ODAD2: variants seen among roughly 807,000 people sequenced by gnomAD.
ODAD2 encodes the protein outer dynein arm-docking complex subunit 2.
Under a neutral mutation model 106.8 loss-of-function variants are expected in ODAD2, and 89 were observed. The observed-to-expected ratio is 0.83, with a 90% CI of 0.70 to 0.99. ODAD2 has a LOEUF of 0.99. ODAD2 is among the 50% of genes least tolerant of loss of function. The pLI, the probability that ODAD2 is intolerant of heterozygous loss-of-function variation, is 0.00. For synonymous variants in ODAD2, 404 were observed against 436.2 expected (o/e 0.93, Z 0.92); for missense variants, 1,168 against 1,238.5 (o/e 0.94, Z 0.85).
Position 27,862,320 on chromosome 10 carries a change from C to A in ODAD2, c.2799+114G>T, listed in dbSNP as rs547706098. On this transcript the variant is annotated intron_variant, in intron 18 of 19. Transcript: ENST00000305242. ...TTGACCAAATCTCATACCTCATAAGCAATGGGTATTAAACTTGAATCCAGG... is the reference window on the plus strand; with the variant it reads ...TTGACCAAATCTCATACCTCATAAGAAATGGGTATTAAACTTGAATCCAGG... The A allele has an allele frequency of 1.8e-4, 126 of 692,444 alleles. No individual in the cohort carries two copies. The Middle Eastern group carries it at 2.2e-3, about 12-fold the overall frequency. 42.9% of individuals were successfully genotyped at this position (692,444 alleles called of 1,614,324 possible).
At chr10:27,877,942 T>G (rs1449268252) in intron 17 of ODAD2, among the ~76,000 whole-genome samples, 1 of 152,210 alleles carries the variant, frequency 6.6e-6, no homozygotes, top group Non-Finnish European at 1.5e-5. Context: ...GGTTCATGTA[T>G]AGTTAGTGAC....
chr10:27,920,861 G>GGA (rs1564504909), intron 16 of ODAD2, among the ~76,000 whole-genome samples: 1 of 141,010 alleles, frequency 7.1e-6, no homozygotes, highest in Non-Finnish European at 1.6e-5. Context: ...TGTAAAAACT[G>GGA]AAAAAAAAAA....
intron 16 of ODAD2, among the ~76,000 whole-genome samples, chr10:27,910,093 T>C (rs1194887154): frequency 6.6e-6 from 1 of 151,794 alleles, no homozygotes; most frequent in Admixed American, 6.6e-5. Context: ...ATCAGGATCG[T>C]TGTGTGAGGG....
chr10:27,857,159 TTCC>T (rs1231789768), intron 19 of ODAD2, among the ~76,000 whole-genome samples: 4 of 152,182 alleles, frequency 2.6e-5, no homozygotes, highest in Non-Finnish European at 4.4e-5. Flanking sequence ...ACTCAACTTC[TTCC>T]TCCTCCTCTT....
In ODAD2 at chr10:27,878,149, A is replaced by G. The variant is rs192705062; in HGVS notation, c.2611-15527T>C. ...TATTTTACCAAGATCATTCCCTAAG[A>G]CAAACAAAAACAGTCATTGAGAAAG... On this transcript the variant is annotated intron_variant, in intron 17 of 19. Transcript: ENST00000305242. 4.4e-4 allele frequency among the ~76,000 whole-genome samples: 67 copies of G among 152,324 alleles called. No individual in the cohort carries two copies. The East Asian group carries it at 0.013, about 28-fold the overall frequency.
intron 17 of ODAD2, among the ~76,000 whole-genome samples, chr10:27,883,304 C>G (rs1470770718): frequency 3.3e-5 from 5 of 152,046 alleles, no homozygotes; most frequent in African/African-American, 1.2e-4. Context: ...GTAGAAACCT[C>G]TGGAGTCATG....
chr10:27,908,308 T>C (rs1356853746), intron 16 of ODAD2, among the ~76,000 whole-genome samples: 1 of 152,230 alleles, frequency 6.6e-6, no homozygotes, highest in African/African-American at 2.4e-5. Context: ...GTTTTCCATG[T>C]GCACCCTTCC....
At chr10:27,936,655 T>C in intron 15 of ODAD2, 71 bp downstream of exon 15, 2 of 1,518,956 alleles carry the variant, frequency 1.3e-6, no homozygotes, top group Non-Finnish European at 1.8e-6. Flanking sequence ...CTTACTAGAA[T>C]GGCATTAAAT....
intron 14 of ODAD2, 133 bp from the exon 15 acceptor site, chr10:27,937,013 T>C: frequency 6.3e-6 from 5 of 788,370 alleles, no homozygotes; most frequent in Non-Finnish European, 9.7e-6. Flanking sequence ...TGCCTCCAAG[T>C]AAAATATAAT....
intron 10 of ODAD2, among the ~76,000 whole-genome samples, chr10:27,954,282 A>T (rs1847564262): frequency 6.6e-6 from 1 of 152,322 alleles, no homozygotes; most frequent in African/African-American, 2.4e-5. Flanking sequence ...TCTCAAATGA[A>T]TTTTAGGGGA....
At chr10:27,910,933 C>A (rs1843968389) in intron 16 of ODAD2, among the ~76,000 whole-genome samples, 1 of 152,078 alleles carries the variant, frequency 6.6e-6, no homozygotes, top group Non-Finnish European at 1.5e-5. Context: ...TTTCATCAAC[C>A]AATCAATATA....
chr10:27,944,287 C>T lies in ODAD2; in HGVS notation c.1678G>A (p.Ala560Thr), dbSNP rs773935799. Residue 560 changes from alanine (A) to threonine (T), a missense_variant, in exon 12 of 20, where the codon GCG becomes ACG. By Grantham distance (58) the Ala-to-Thr change is moderately conservative. Around this residue, in one of 3 missense-constraint regions of ODAD2, gnomAD observed 701 missense variants for 712.3 expected, o/e 0.98. Transcript: ENST00000305242. ...GCTCTTTTAAACTTGGCAACATTCGCGATAGTCTCGGCTGCCAAACATTTT... is the reference window on the plus strand; with the variant it reads ...GCTCTTTTAAACTTGGCAACATTCGTGATAGTCTCGGCTGCCAAACATTTT... ...SLKCLAAETI[A>T]NVAKFKRARR... is the part of the protein sequence containing the mutation. 67 of 1,613,854 alleles carry T rather than the reference C, an allele frequency of 4.2e-5. No individual in the cohort carries two copies. Among genetic ancestry groups the T allele is most frequent in the Middle Eastern group, 1.6e-4 (1 of 6,068 alleles).
rs761718691 is a variant in ODAD2, at chr10:27,995,102, G to T, written c.41C>A (p.Ala14Asp). 3.4e-5 allele frequency: 55 copies of T among 1,613,902 alleles called. No homozygotes were observed. The highest frequency in any genetic ancestry group is 1.9e-5 in the Non-Finnish European group (23 of 1,180,030). The change falls in exon 2 of 20, where the codon GCC becomes GAC. Residue 14 changes from alanine (A) to aspartate (D), a missense_variant. This residue lies in a region of ODAD2 where 430 missense variants were observed against 452.2 expected (regional missense o/e 0.95). Transcript: ENST00000305242. ...TTCGAGGATTCCAGTTCCATGTCCGGCAGCAGTCCACTGCGTCAATTTCCT... is the reference window on the plus strand; with the variant it reads ...TTCGAGGATTCCAGTTCCATGTCCGTCAGCAGTCCACTGCGTCAATTTCCT... ...ALRKLTQWTA[A>D]GHGTGILEIT...
intron 19 of ODAD2, among the ~76,000 whole-genome samples, chr10:27,820,024 A>G (rs1236352445): frequency 6.6e-6 from 1 of 152,148 alleles, no homozygotes; most frequent in Non-Finnish European, 1.5e-5. Context: ...ACTCACGCTC[A>G]TGGTGATTCT....
At chr10:27,951,039 A>T (rs1407077198) in intron 10 of ODAD2, among the ~76,000 whole-genome samples, 1 of 152,218 alleles carries the variant, frequency 6.6e-6, no homozygotes, top group East Asian at 1.9e-4. Flanking sequence ...TAATAAAAAT[A>T]TCTATGACTA....
chr10:27,814,763 A>G (rs971745080), intron 19 of ODAD2, among the ~76,000 whole-genome samples: 1 of 151,954 alleles, frequency 6.6e-6, no homozygotes, highest in Non-Finnish European at 1.5e-5. Context: ...AGTTTCTTAA[A>G]CCTCCTTACA....
chr10:27,961,865 C>T, intron 9 of ODAD2, 150 bp from the exon 10 acceptor site: 1 of 614,732 alleles, frequency 1.6e-6, no homozygotes, highest in East Asian at 2.9e-5. Context: ...AAGAGTTCAA[C>T]ACCAGCCTGG....
chr10:27,859,156 C>T (rs1044625933), intron 19 of ODAD2, among the ~76,000 whole-genome samples: 7 of 151,690 alleles, frequency 4.6e-5, no homozygotes, highest in South Asian at 2.1e-4. Context: ...GAAATGGGAA[C>T]GCAGTCATAT....
intron 19 of ODAD2, chr10:27,853,365 T>TATAAATAAATAAATAAATAAATAA (rs143299831): frequency 5.8e-5 from 15 of 257,040 alleles, no homozygotes; most frequent in African/African-American, 3.1e-4. Flanking sequence ...AGACTCTGTC[T>TATAAATAAATAAATAAATAAATAA]ATAAATAAAT....
Sources: allele counts gnomAD v4.1 joint callset (sites outside exome capture counted in the v4.1 genomes callset), GRCh38; gene constraint gnomAD v4.1.1; regional missense constraint gnomAD v4.1.1; transcripts MANE v1.5; gene names NCBI Gene and HGNC (gene_info 2026-07-23, HGNC 2026-07-21).